The following IKZF2 variants were observed in gnomAD, a reference collection of about 807,000 sequenced individuals.
IKZF2 encodes IKAROS family zinc finger 2, also known as zinc finger protein Helios.
IKZF2 carries 15 observed loss-of-function variants against 49.2 expected under a neutral mutation model. The observed-to-expected ratio is 0.30, with a 90% CI of 0.20 to 0.47. IKZF2 has a LOEUF of 0.47. IKZF2 is among the 20% of genes least tolerant of loss of function. The pLI, the probability that IKZF2 is intolerant of heterozygous loss-of-function variation, is 1.00. For synonymous variants in IKZF2, 227 were observed against 221.4 expected, an observed-to-expected ratio of 1.03 and a Z score of -0.23; for missense variants, 567 against 664.6, an observed-to-expected ratio of 0.85 and a Z score of 1.61.
chr2:213,024,182 T>A (rs1457428703), intron 6 of IKZF2, among the ~76,000 whole-genome samples: 1 of 152,188 alleles, frequency 6.6e-6, no homozygotes, highest in Admixed American at 6.6e-5. Context: ...TCTAAATGTA[T>A]AACCCTAATT....
intron 4 of IKZF2, 66 bp from the exon 5 acceptor site, chr2:213,057,165 T>A (rs553888286): frequency 7.2e-7 from 1 of 1,379,476 alleles, no homozygotes; most frequent in East Asian, 2.4e-5. Flanking sequence ...ACATCTCTTT[T>A]CTACTCATTG....
intron 4 of IKZF2, among the ~76,000 whole-genome samples, chr2:213,146,783 G>T (rs2061089296): frequency 7.0e-6 from 1 of 142,198 alleles, no homozygotes; most frequent in African/African-American, 2.6e-5. Context: ...GAAAGAGAAT[G>T]CCTTTCCTTC....
chr2:213,124,179 G>T (rs1243878900), intron 4 of IKZF2, among the ~76,000 whole-genome samples: 2 of 150,768 alleles, frequency 1.3e-5, no homozygotes, highest in Non-Finnish European at 3.0e-5. Context: ...CTGATTCAAG[G>T]ATTATTTTCA....
intron 4 of IKZF2, among the ~76,000 whole-genome samples, chr2:213,066,459 C>T (rs1349819121): frequency 1.3e-5 from 2 of 152,064 alleles, no homozygotes; most frequent in Admixed American, 1.3e-4. Context: ...ACATTGACAT[C>T]GAGGCTACAA....
intron 6 of IKZF2, among the ~76,000 whole-genome samples, chr2:213,039,025 GA>G (rs1431475574): frequency 6.6e-6 from 1 of 151,366 alleles, no homozygotes; most frequent in East Asian, 1.9e-4. Flanking sequence ...TTATTTTTAA[GA>G]AATTTGAAGA....
intron 4 of IKZF2, among the ~76,000 whole-genome samples, chr2:213,078,132 AC>A (rs146686591): frequency 0.022 from 3,341 of 152,284 alleles, 129 homozygotes; most frequent in African/African-American, 0.076. Flanking sequence ...TTTAAAAAAA[AC>A]AATTCATGAA....
At chr2:213,073,961 T>C (rs1183350624) in intron 4 of IKZF2, among the ~76,000 whole-genome samples, 1 of 152,202 alleles carries the variant, frequency 6.6e-6, no homozygotes, top group Admixed American at 6.5e-5. Flanking sequence ...CCCTGGTCCC[T>C]TGAATGTATT....
chr2:213,113,488 A>C (rs1443297899), intron 4 of IKZF2, among the ~76,000 whole-genome samples: 3 of 152,182 alleles, frequency 2.0e-5, no homozygotes, highest in Non-Finnish European at 4.4e-5. Flanking sequence ...ACTATTACAT[A>C]AGCTTGCTGG....
chr2:213,133,703 A>ACAATAAAT (rs1553602154), intron 4 of IKZF2, among the ~76,000 whole-genome samples: 1 of 145,398 alleles, frequency 6.9e-6, no homozygotes, highest in Non-Finnish European at 1.5e-5. Context: ...CCGTCTCGAA[A>ACAATAAAT]AAATAAATAA....
At chr2:213,105,588 G>A (rs555811900) in intron 4 of IKZF2, among the ~76,000 whole-genome samples, 3 of 140,500 alleles carry the variant, frequency 2.1e-5, no homozygotes, top group South Asian at 2.4e-4. Context: ...TGTGGGGGGG[G>A]AAGGGGGGGG....
intron 4 of IKZF2, among the ~76,000 whole-genome samples, chr2:213,109,993 C>G (rs2059648807): frequency 6.6e-6 from 1 of 151,822 alleles, no homozygotes; most frequent in Admixed American, 6.6e-5. Flanking sequence ...ATAAATAAAA[C>G]CATCAACAAA....
chr2:213,016,598 T>C (rs1559166049), intron 7 of IKZF2, among the ~76,000 whole-genome samples: 1 of 152,156 alleles, frequency 6.6e-6, no homozygotes, highest in East Asian at 1.9e-4. Context: ...ATTAATCACA[T>C]AGACATTAAT....
At chr2:213,077,218 T>C (rs1202234739) in intron 4 of IKZF2, among the ~76,000 whole-genome samples, 1 of 152,240 alleles carries the variant, frequency 6.6e-6, no homozygotes, top group African/African-American at 2.4e-5. Flanking sequence ...CAAATAAGTG[T>C]ATTAATGTGT....
At chr2:213,013,472 T>G (rs1475567871) in intron 8 of IKZF2, among the ~76,000 whole-genome samples, 2 of 151,804 alleles carry the variant, frequency 1.3e-5, no homozygotes, top group Admixed American at 1.3e-4. Context: ...AACTGGCCAA[T>G]AGGCTGGACC....
chr2:213,058,685 AT>A (rs1357275297), intron 4 of IKZF2, among the ~76,000 whole-genome samples: 1 of 151,834 alleles, frequency 6.6e-6, no homozygotes, highest in African/African-American at 2.4e-5. Context: ...CCATCTTTAT[AT>A]TGCCAGCATG....
intron 6 of IKZF2, among the ~76,000 whole-genome samples, chr2:213,038,165 G>T (rs370072122): frequency 6.6e-6 from 1 of 151,080 alleles, no homozygotes; most frequent in South Asian, 2.1e-4. Flanking sequence ...GATGCACGCC[G>T]TTCTCCTGCC....
chr2:213,078,321 C>T (rs907417431), intron 4 of IKZF2, among the ~76,000 whole-genome samples: 9 of 152,154 alleles, frequency 5.9e-5, no homozygotes, highest in Admixed American at 2.6e-4. Context: ...AATTAGTTCT[C>T]AATTCACAGC....
chr2:213,008,638 A>C (rs1695616252), intron 8 of IKZF2, among the ~76,000 whole-genome samples: 1 of 152,126 alleles, frequency 6.6e-6, no homozygotes, highest in African/African-American at 2.4e-5. Flanking sequence ...GAAAGATATG[A>C]TTGAGTTTAT....
intron 6 of IKZF2, among the ~76,000 whole-genome samples, chr2:213,041,024 G>C (rs867401807): frequency 6.6e-6 from 1 of 151,950 alleles, no homozygotes; most frequent in African/African-American, 2.4e-5. Flanking sequence ...AGGCTGAGGC[G>C]GGGGAACCAC....
Sources: allele counts gnomAD v4.1 joint callset (sites outside exome capture counted in the v4.1 genomes callset), GRCh38; gene constraint gnomAD v4.1.1; transcripts MANE v1.5; gene names NCBI Gene and HGNC (gene_info 2026-07-23, HGNC 2026-07-21).